Variants in BTBD9 observed in about 807,000 individuals in gnomAD.
BTBD9 encodes BTB/POZ domain-containing protein 9.
BTBD9 carries 49 observed loss-of-function variants against 64.3 expected under a neutral mutation model. The observed-to-expected ratio is 0.76, with a 90% CI of 0.61 to 0.97. BTBD9 has a LOEUF of 0.97. BTBD9 is among the 50% of genes least tolerant of loss of function. BTBD9 has a pLI of 0.00. For missense variants in BTBD9, 598 were observed against 762.1 expected, an observed-to-expected ratio of 0.78 and a Z score of 2.53; for synonymous variants, 260 against 274.7, an observed-to-expected ratio of 0.95 and a Z score of 0.53.
chr6:38,272,041 AC>A (rs1037583204), intron 8 of BTBD9, among the ~76,000 whole-genome samples: 31 of 151,894 alleles, frequency 2.0e-4, no homozygotes, highest in Non-Finnish European at 3.7e-4. Context: ...CCATTCCCAA[AC>A]CCTCGTTACT....
At chr6:38,431,963 G>C (rs972444763) in intron 6 of BTBD9, among the ~76,000 whole-genome samples, 1 of 151,886 alleles carries the variant, frequency 6.6e-6, no homozygotes. Context: ...CCTGGTCCTG[G>C]TATGGTGGTT....
chr6:38,354,732 GA>G (rs1482247775), intron 6 of BTBD9, among the ~76,000 whole-genome samples: 2 of 151,536 alleles, frequency 1.3e-5, no homozygotes, highest in Non-Finnish European at 2.9e-5. Context: ...GATCGTTAAA[GA>G]AAAAAAATCC....
At chr6:38,390,840 A>G (rs1366112667) in intron 6 of BTBD9, among the ~76,000 whole-genome samples, 1 of 151,860 alleles carries the variant, frequency 6.6e-6, no homozygotes, top group East Asian at 1.9e-4. Context: ...TTTTGGTGTT[A>G]TAGAACAACA....
intron 9 of BTBD9, among the ~76,000 whole-genome samples, chr6:38,225,382 C>G (rs1763359414): frequency 6.6e-6 from 1 of 152,206 alleles, no homozygotes; most frequent in African/African-American, 2.4e-5. Flanking sequence ...CATTAGAAAG[C>G]TAGCCCCATA....
chr6:38,334,359 C>T (rs771579182), intron 7 of BTBD9, among the ~76,000 whole-genome samples: 3 of 152,066 alleles, frequency 2.0e-5, no homozygotes, highest in Admixed American at 6.5e-5. Flanking sequence ...GTCAGAAGTT[C>T]GAGACAGGCC....
At chr6:38,590,700 TAC>T (rs1477874326) in intron 4 of BTBD9, among the ~76,000 whole-genome samples, 1 of 152,240 alleles carries the variant, frequency 6.6e-6, no homozygotes, top group African/African-American at 2.4e-5. Flanking sequence ...TGTATTTCAT[TAC>T]AGACATACCT....
chr6:38,636,766 AAGT>A (rs1778540739), intron 1 of BTBD9, among the ~76,000 whole-genome samples: 1 of 152,168 alleles, frequency 6.6e-6, no homozygotes, highest in African/African-American at 2.4e-5. Context: ...TTTTAGGATG[AAGT>A]GGAAGACCCC....
At chr6:38,469,469 G>A (rs1450962386) in intron 6 of BTBD9, among the ~76,000 whole-genome samples, 2 of 152,066 alleles carry the variant, frequency 1.3e-5, no homozygotes, top group African/African-American at 4.8e-5. Flanking sequence ...ACAGGCACAT[G>A]CCACCACGCC....
intron 6 of BTBD9, among the ~76,000 whole-genome samples, chr6:38,375,503 T>C (rs1222611238): frequency 2.0e-4 from 31 of 152,136 alleles, no homozygotes; most frequent in Non-Finnish European, 1.0e-4. Flanking sequence ...TCAGCAAGTA[T>C]TAAAGTCAGA....
At chr6:38,543,358 A>G (rs923404795) in intron 6 of BTBD9, among the ~76,000 whole-genome samples, 1 of 152,056 alleles carries the variant, frequency 6.6e-6, no homozygotes, top group African/African-American at 2.4e-5. Flanking sequence ...TTACTGATTT[A>G]TTTACCTATT....
At chr6:38,320,709 G>C (rs759271519) in intron 7 of BTBD9, among the ~76,000 whole-genome samples, 2 of 152,138 alleles carry the variant, frequency 1.3e-5, no homozygotes, top group Admixed American at 1.3e-4. Flanking sequence ...GTTAGACAAT[G>C]TTTACAAAAG....
chr6:38,315,351 GTTCT>G (rs1299098373), intron 7 of BTBD9, among the ~76,000 whole-genome samples: 1 of 151,668 alleles, frequency 6.6e-6, no homozygotes, highest in Non-Finnish European at 1.5e-5. Flanking sequence ...TGCTTTTCTA[GTTCT>G]TTAAGATAAA....
chr6:38,582,646 G>C (rs141083412), intron 4 of BTBD9, among the ~76,000 whole-genome samples: 1 of 151,828 alleles, frequency 6.6e-6, no homozygotes, highest in Non-Finnish European at 1.5e-5. Context: ...TAGACCCAGA[G>C]GAAAGAAACA....
At chr6:38,258,080 G>A (rs944429141) in intron 8 of BTBD9, among the ~76,000 whole-genome samples, 2 of 151,902 alleles carry the variant, frequency 1.3e-5, no homozygotes, top group Non-Finnish European at 2.9e-5. Flanking sequence ...CCGCCTCCCG[G>A]GTTCAAGTGA....
At chr6:38,272,774 A>C (rs1765238172) in intron 8 of BTBD9, among the ~76,000 whole-genome samples, 1 of 152,146 alleles carries the variant, frequency 6.6e-6, no homozygotes, top group Non-Finnish European at 1.5e-5. Flanking sequence ...GTTCCTATGA[A>C]CCTTCTAATA....
chr6:38,598,849 G>A (rs373276470), intron 1 of BTBD9, among the ~76,000 whole-genome samples: 28 of 152,184 alleles, frequency 1.8e-4, no homozygotes, highest in East Asian at 9.7e-4. Context: ...CCCAGGAGGC[G>A]GAGGTTGCTG....
chr6:38,202,084 TG>T (rs1247490977), intron 9 of BTBD9, among the ~76,000 whole-genome samples: 2,401 of 139,154 alleles, frequency 0.017, 96 homozygotes, highest in East Asian at 0.13. Flanking sequence ...TCGTTTTTTT[TG>T]TTTTTTTTTT....
At chr6:38,422,920 T>A (rs1248139606) in intron 6 of BTBD9, among the ~76,000 whole-genome samples, 1 of 152,150 alleles carries the variant, frequency 6.6e-6, no homozygotes, top group African/African-American at 2.4e-5. Flanking sequence ...GTCAACATAG[T>A]GACCAGGTAA....
intron 6 of BTBD9, among the ~76,000 whole-genome samples, chr6:38,412,339 C>T (rs1309595231): frequency 6.6e-6 from 1 of 152,038 alleles, no homozygotes; most frequent in African/African-American, 2.4e-5. Context: ...CCCCAAAACA[C>T]ACGAACATAT....
Sources: allele counts gnomAD v4.1 joint callset (sites outside exome capture counted in the v4.1 genomes callset), GRCh38; gene constraint gnomAD v4.1.1; transcripts MANE v1.5; gene names NCBI Gene and HGNC (gene_info 2026-07-23, HGNC 2026-07-21).